The following PACRG variants were observed in gnomAD, a reference collection of about 807,000 sequenced individuals.
PACRG encodes parkin coregulated gene protein.
PACRG carries 29 observed loss-of-function variants against 29.7 expected under a neutral mutation model. That is an observed-to-expected ratio of 0.98 (90% confidence interval 0.73 to 1.33). PACRG has a LOEUF of 1.33. Ranked by LOEUF, PACRG falls within the 40% of genes most tolerant of loss-of-function variation. The pLI, the probability that PACRG is intolerant of heterozygous loss-of-function variation, is 0.00. For missense variants in PACRG, 279 were observed against 316.2 expected (o/e 0.88, Z 0.89); for synonymous variants, 116 against 118.7 (o/e 0.98, Z 0.15).
chr6:163,028,674 A>G (rs1807371838), intron 2 of PACRG, among the ~76,000 whole-genome samples: 1 of 152,222 alleles, frequency 6.6e-6, no homozygotes, highest in Non-Finnish European at 1.5e-5. Flanking sequence ...TGACATCAAT[A>G]ATATAAAGAC....
chr6:162,891,393 C>A (rs1794748840), intron 2 of PACRG, among the ~76,000 whole-genome samples: 1 of 152,230 alleles, frequency 6.6e-6, no homozygotes, highest in Non-Finnish European at 1.5e-5. Flanking sequence ...GCACCTGAAG[C>A]AAGCTGGTGC....
intron 2 of PACRG, among the ~76,000 whole-genome samples, chr6:163,020,006 G>A (rs1273618607): frequency 3.9e-5 from 6 of 152,172 alleles, no homozygotes; most frequent in East Asian, 1.9e-4. Context: ...TGTCTTTGGC[G>A]AGATGTCTTC....
In PACRG at chr6:163,308,080, G is replaced by A. The variant is rs548530229; in HGVS notation, c.614-6747G>A. Among the ~76,000 whole-genome samples, 36 of 152,212 alleles carry A rather than the reference G, an allele frequency of 2.4e-4. 1 individual carries two copies. In the South Asian group the frequency reaches 7.3e-3, roughly 31 times the overall value. ...ATGGTGACAATTTAATCTAGGTATT[G>A]AAACTGTAAATATCTTAAAAGATAA... On this transcript the variant is annotated intron_variant, in intron 4 of 4. Coordinates refer to ENST00000366888, the MANE Select transcript of PACRG (RefSeq NM_001080379.2).
At chr6:163,254,967 C>T (rs1054315105) in intron 4 of PACRG, among the ~76,000 whole-genome samples, 1 of 152,206 alleles carries the variant, frequency 6.6e-6, no homozygotes, top group Non-Finnish European at 1.5e-5. Flanking sequence ...ACACAAGCCA[C>T]GGGCTTTCTA....
intron 2 of PACRG, among the ~76,000 whole-genome samples, chr6:163,058,829 G>A (rs892072981): frequency 3.9e-5 from 6 of 152,216 alleles, no homozygotes; most frequent in African/African-American, 1.4e-4. Flanking sequence ...GAACCCGGGA[G>A]GCAGAGCTTG....
At chr6:162,825,332 C>T (rs756618741) in intron 2 of PACRG, among the ~76,000 whole-genome samples, 26 of 152,138 alleles carry the variant, frequency 1.7e-4, no homozygotes, top group Non-Finnish European at 2.2e-4. Flanking sequence ...TGATTAAATA[C>T]GAGCTGGGCT....
chr6:163,229,832 T>G (rs1242509247), intron 4 of PACRG, among the ~76,000 whole-genome samples: 1 of 152,190 alleles, frequency 6.6e-6, no homozygotes, highest in Admixed American at 6.5e-5. Context: ...GCGGCAGTTG[T>G]CAGCAAGATG....
chr6:162,846,628 A>G (rs35964851), intron 2 of PACRG, among the ~76,000 whole-genome samples: 6,977 of 152,226 alleles, frequency 0.046, 224 homozygotes, highest in Non-Finnish European at 0.073. Flanking sequence ...GCCTTTTTAG[A>G]TCACCCGTGC....
At chr6:163,012,425 C>A (rs977166229) in intron 2 of PACRG, among the ~76,000 whole-genome samples, 2 of 152,180 alleles carry the variant, frequency 1.3e-5, no homozygotes, top group African/African-American at 4.8e-5. Context: ...TAACAAGGAA[C>A]ACAAAGAAAA....
intron 2 of PACRG, among the ~76,000 whole-genome samples, chr6:163,035,434 G>A (rs966584605): frequency 7.2e-5 from 11 of 152,232 alleles, no homozygotes; most frequent in South Asian, 4.1e-4. Context: ...AGATCACGAG[G>A]TCAGGAGATC....
chr6:163,167,581 A>G (rs993784265), intron 4 of PACRG, among the ~76,000 whole-genome samples: 7 of 152,238 alleles, frequency 4.6e-5, no homozygotes, highest in African/African-American at 1.7e-4. Context: ...AAAATTTTCA[A>G]ATCTAGCTAA....
At chr6:162,924,481 G>A (rs957444950) in intron 2 of PACRG, among the ~76,000 whole-genome samples, 2 of 152,050 alleles carry the variant, frequency 1.3e-5, no homozygotes, top group Admixed American at 1.3e-4. Flanking sequence ...TAATGGAAAA[G>A]ATTTCTCTTT....
chr6:163,013,463 G>A (rs2128213276), intron 2 of PACRG, among the ~76,000 whole-genome samples: 1 of 150,774 alleles, frequency 6.6e-6, no homozygotes, highest in South Asian at 2.2e-4. Flanking sequence ...GATGAACTTA[G>A]AAGTAAATTA....
intron 2 of PACRG, among the ~76,000 whole-genome samples, chr6:162,923,566 C>G (rs1413538082): frequency 6.6e-6 from 1 of 152,120 alleles, no homozygotes; most frequent in Non-Finnish European, 1.5e-5. Flanking sequence ...TTTCTTTCTT[C>G]TGCATATGGA....
rs771206229 is a variant in PACRG, at chr6:163,089,294, G to A, written c.499G>A (p.Val167Ile). 4 of 1,614,078 alleles carry A rather than the reference G, an allele frequency of 2.5e-6. No individual in the cohort carries two copies. In the East Asian group the frequency reaches 6.7e-5, roughly 27 times the overall value. ...CCTCCGAAACCGACAGGTCATCTGT[G>A]TCACTCTCAAGGTCCTCCAGCATCT... ...LNLRNRQVIC[V>I]TLKVLQHLVV... Residue 167 changes from valine (V) to isoleucine (I), a missense_variant, in exon 4 of 5, where the codon GTC becomes ATC. Physicochemically the swap from Val to Ile is conservative, Grantham distance 29 (BLOSUM62 3). Coordinates refer to ENST00000366888, the MANE Select transcript of PACRG (RefSeq NM_001080379.2).
At position 162,841,840 on chromosome 6, in the gene PACRG, C is replaced by T. The variant is rs1282526403; in HGVS notation, c.291+27559C>T. Reference sequence around the variant, plus strand: ...CAAAGAACATCTTTATTTCTGCCTTCATTTCGTTATGTATCCAGTAGTCAT... The same window carrying T: ...CAAAGAACATCTTTATTTCTGCCTTTATTTCGTTATGTATCCAGTAGTCAT... On this transcript the variant is annotated intron_variant, in intron 2 of 4. Coordinates refer to ENST00000366888, the MANE Select transcript of PACRG (RefSeq NM_001080379.2). 1.8e-4 allele frequency among the ~76,000 whole-genome samples: 27 copies of T among 152,076 alleles called. No individual in the cohort carries two copies. The East Asian group carries it at 5.2e-3, about 29-fold the overall frequency.
At chr6:163,018,835 T>C (rs1370354261) in intron 2 of PACRG, among the ~76,000 whole-genome samples, 2 of 152,166 alleles carry the variant, frequency 1.3e-5, no homozygotes, top group South Asian at 4.1e-4. Context: ...GCTATATGCA[T>C]GTTGAGTCTC....
chr6:163,003,241 G>T (rs1431361722), intron 2 of PACRG, among the ~76,000 whole-genome samples: 3 of 152,212 alleles, frequency 2.0e-5, no homozygotes, highest in African/African-American at 7.2e-5. Flanking sequence ...AAAAATGAAA[G>T]AGAGCAAATT....
chr6:163,119,139 C>G (rs1345118155), intron 4 of PACRG, among the ~76,000 whole-genome samples: 1 of 152,190 alleles, frequency 6.6e-6, no homozygotes, highest in Non-Finnish European at 1.5e-5. Flanking sequence ...GCTGTGCTCT[C>G]AGAGATGCTC....
Sources: gnomAD v4.1 joint callset for allele counts (sites outside exome capture counted in the v4.1 genomes callset) on GRCh38, gnomAD v4.1.1 for gene constraint, MANE v1.5 for transcripts, NCBI Gene and HGNC (gene_info 2026-07-23, HGNC 2026-07-21) for gene names.